Variants in RUVBL1 observed in about 807,000 individuals in gnomAD.
RUVBL1 encodes ruvB-like 1.
RUVBL1 carries 4 observed loss-of-function variants against 52.4 expected under a neutral mutation model. The ratio of observed to expected loss-of-function variants is 0.08; its 90% CI spans 0.04 to 0.17. The LOEUF is 0.17. Ranked by LOEUF, RUVBL1 falls within the 10% of genes least tolerant of loss-of-function variation. The pLI, the probability that RUVBL1 is intolerant of heterozygous loss-of-function variation, is 1.00. For missense variants in RUVBL1, 298 were observed against 572.8 expected, an observed-to-expected ratio of 0.52 and a Z score of 4.90; for synonymous variants, 217 against 214.4, an observed-to-expected ratio of 1.01 and a Z score of -0.10.
chr3:128,108,499 A>G (rs145544732), intron 3 of RUVBL1, among the ~76,000 whole-genome samples: 12 of 152,298 alleles, frequency 7.9e-5, no homozygotes, highest in African/African-American at 2.4e-4. Flanking sequence ...GATTTTATCA[A>G]TATCAGAAAA....
chr3:128,130,792 A>G (rs574040012), intron 1 of RUVBL1, among the ~76,000 whole-genome samples: 1 of 151,720 alleles, frequency 6.6e-6, no homozygotes, highest in Non-Finnish European at 1.5e-5. Flanking sequence ...CTGGGACTAC[A>G]TGCGCCTGCC....
chr3:128,122,893 C>A (rs1283303615), intron 1 of RUVBL1, among the ~76,000 whole-genome samples: 1 of 152,008 alleles, frequency 6.6e-6, no homozygotes, highest in Admixed American at 6.5e-5. Flanking sequence ...TTTTCACCTG[C>A]CAAAAAATAA....
At chr3:128,071,539 CCA>C (rs1942167708) in intron 9 of RUVBL1, 1 of 152,656 alleles carries the variant, frequency 6.6e-6, no homozygotes, top group Non-Finnish European at 1.5e-5. Context: ...CCTGCAAGGC[CCA>C]CACTCACGCC....
In RUVBL1 at chr3:128,067,114, G is replaced by A; in HGVS notation, c.940-1894C>T. On this transcript the variant is annotated intron_variant, in intron 9 of 9. Transcript: ENST00000464873. The surrounding 1 kb of genome is among the most constrained non-coding windows in gnomAD (Gnocchi z 4.1). ...TCCCAAATGCTCTCAGCTCGCTTCA[G>A]TGGCAACTTGCTGGTCAGCCTGCTG... The A allele has an allele frequency of 1.9e-6, 3 of 1,614,210 alleles. No homozygotes were observed. Among genetic ancestry groups the A allele is most frequent in the Non-Finnish European group, 2.5e-6 (3 of 1,180,054 alleles).
intron 9 of RUVBL1, chr3:128,068,035 C>A: frequency 6.2e-7 from 1 of 1,613,952 alleles, no homozygotes. Context: ...CACCGAGAGA[C>A]CTCCATGGTC....
At chr3:128,130,680 T>A (rs536552155) in intron 1 of RUVBL1, among the ~76,000 whole-genome samples, 1 of 151,674 alleles carries the variant, frequency 6.6e-6, no homozygotes, top group South Asian at 2.1e-4. Context: ...AGACGGAGTC[T>A]TACTCTGTCC....
At chr3:128,131,197 C>A (rs537146942) in intron 1 of RUVBL1, among the ~76,000 whole-genome samples, 1 of 152,152 alleles carries the variant, frequency 6.6e-6, no homozygotes, top group African/African-American at 2.4e-5. Context: ...GATAACAAAG[C>A]CAGATAAAAA....
At chr3:128,148,605 G>A (rs914496309) in intron 1 of RUVBL1, among the ~76,000 whole-genome samples, 5 of 152,150 alleles carry the variant, frequency 3.3e-5, no homozygotes, top group African/African-American at 9.7e-5. Flanking sequence ...GGCTTGTAAC[G>A]CCAAGAGACA....
exon 1 of RUVBL1, chr3:128,153,341 C>T (rs1305948568): frequency 7.3e-7 from 1 of 1,375,118 alleles, no homozygotes; most frequent in South Asian, 1.7e-5. Context: ...ACTCGGAGCA[C>T]GGCGCTCGGC....
chr3:128,129,222 T>C (rs72970120), intron 1 of RUVBL1, among the ~76,000 whole-genome samples: 1 of 152,260 alleles, frequency 6.6e-6, no homozygotes, highest in African/African-American at 2.4e-5. Context: ...ATAATACTTT[T>C]CCAATCACAA....
intron 1 of RUVBL1, among the ~76,000 whole-genome samples, chr3:128,144,849 C>A (rs1218587329): frequency 6.6e-6 from 1 of 152,194 alleles, no homozygotes; most frequent in Non-Finnish European, 1.5e-5. Flanking sequence ...TCCTTCCCCC[C>A]ATTCTTGGGG....
At position 128,123,574 on chromosome 3, in the gene RUVBL1, C is replaced by G; in HGVS notation, c.141+10G>C. On this transcript the variant is annotated intron_variant, in intron 1 of 10. Transcript: ENST00000322623. ...TTGCAGCCCCCAACTCCCTGGTCCACTGGCCACACCTCTCGCGCGTTCTCC... is the reference window on the plus strand; with the variant it reads ...TTGCAGCCCCCAACTCCCTGGTCCAGTGGCCACACCTCTCGCGCGTTCTCC... The G allele has an allele frequency of 1.9e-6, 3 of 1,594,744 alleles. No homozygotes were observed. Among genetic ancestry groups the G allele is most frequent in the African/African-American group, 1.3e-5 (1 of 74,716 alleles).
At chr3:128,101,477 G>T in intron 5 of RUVBL1, 82 bp downstream of exon 5, 1 of 1,349,366 alleles carries the variant, frequency 7.4e-7, no homozygotes, top group Non-Finnish European at 1.1e-6. Context: ...CACACCCTCT[G>T]AAGAAAGCAA....
intron 9 of RUVBL1, chr3:128,070,191 T>C (rs1405108496): frequency 1.3e-5 from 2 of 152,488 alleles, no homozygotes; most frequent in African/African-American, 4.8e-5. Context: ...TAAGACACCA[T>C]TGTTTTCCCT....
chr3:128,086,375 C>A (rs184586190), intron 9 of RUVBL1, among the ~76,000 whole-genome samples: 32 of 152,224 alleles, frequency 2.1e-4, no homozygotes, highest in Non-Finnish European at 4.3e-4. Context: ...TGGAATCAAA[C>A]TGGCCAGGCA....
rs1263577414 is a variant in RUVBL1 at position 128,067,518 on chromosome 3, C to T, written c.940-2298G>A. 5.0e-6 allele frequency: 8 copies of T among 1,613,998 alleles called. No individual in the cohort carries two copies. The highest frequency in any genetic ancestry group is 6.8e-6 in the Non-Finnish European group (8 of 1,179,984). On this transcript the variant is annotated intron_variant, in intron 9 of 9. Transcript: ENST00000464873. This position sits in a 1 kb window ranked among gnomAD's most constrained non-coding sequence, Gnocchi z 4.1. ...TCTTTTGGCTCCGTGTTAGAAGACCCGGTCCATGCAGTTGTATACATAGTG... is the reference window on the plus strand; with the variant it reads ...TCTTTTGGCTCCGTGTTAGAAGACCTGGTCCATGCAGTTGTATACATAGTG...
At chr3:128,065,587 GA>G (rs2107648565) in intron 9 of RUVBL1, among the ~76,000 whole-genome samples, 1 of 152,304 alleles carries the variant, frequency 6.6e-6, no homozygotes, top group Admixed American at 6.5e-5. Flanking sequence ...GGACAGAGAT[GA>G]AAGGCAGTTT....
At chr3:128,114,585 T>C (rs766493635) in intron 2 of RUVBL1, among the ~76,000 whole-genome samples, 2 of 152,150 alleles carry the variant, frequency 1.3e-5, no homozygotes, top group Non-Finnish European at 2.9e-5. Flanking sequence ...TGCAGTCTCA[T>C]GGTGACCTTC....
exon 1 of RUVBL1, chr3:128,153,563 G>T: frequency 6.5e-7 from 1 of 1,535,882 alleles, no homozygotes; most frequent in Non-Finnish European, 8.7e-7. Context: ...ATCGACAGCG[G>T]CAAGACGGCG....
Sources: gnomAD v4.1 joint callset for allele counts (sites outside exome capture counted in the v4.1 genomes callset) on GRCh38, gnomAD v4.1.1 for gene constraint, Gnocchi (gnomAD v3.1) non-coding constraint, MANE v1.5 for transcripts, NCBI Gene and HGNC (gene_info 2026-07-23, HGNC 2026-07-21) for gene names.